Variants in COG5 observed in about 807,000 individuals in gnomAD.
COG5 encodes the protein conserved oligomeric Golgi complex subunit 5.
Under a neutral mutation model 110.4 loss-of-function variants are expected in COG5, and 86 were observed. That is an observed-to-expected ratio of 0.78 (90% confidence interval 0.65 to 0.93). The LOEUF is 0.93. Ranked by LOEUF, COG5 falls within the 40% of genes least tolerant of loss-of-function variation. The pLI is 0.00. For missense variants in COG5, 1,077 were observed against 987.0 expected, an observed-to-expected ratio of 1.09 and a Z score of -1.22; for synonymous variants, 360 against 334.6, an observed-to-expected ratio of 1.08 and a Z score of -0.83.
At chr7:107,204,453 C>T (rs371693604) in intron 21 of COG5, among the ~76,000 whole-genome samples, 382 of 152,204 alleles carry the variant, frequency 2.5e-3, no homozygotes, top group African/African-American at 8.5e-3. Flanking sequence ...AGAATGGCTA[C>T]GAGATTAATT....
chr7:107,311,684 C>T (rs558397291), intron 11 of COG5, among the ~76,000 whole-genome samples: 16 of 151,958 alleles, frequency 1.1e-4, no homozygotes, highest in African/African-American at 2.7e-4. Context: ...TGAGCCACCG[C>T]GCCCGGCCAC....
intron 11 of COG5, among the ~76,000 whole-genome samples, chr7:107,306,160 A>G (rs182218301): frequency 5.9e-5 from 9 of 152,310 alleles, no homozygotes; most frequent in Non-Finnish European, 1.2e-4. Context: ...ATACAAAACA[A>G]TGACAAAACA....
chr7:107,268,806 C>A (rs780904101), intron 14 of COG5, among the ~76,000 whole-genome samples: 1 of 152,134 alleles, frequency 6.6e-6, no homozygotes, highest in Non-Finnish European at 1.5e-5. Context: ...TGTCAGCATT[C>A]TTCTGATTAG....
intron 5 of COG5, among the ~76,000 whole-genome samples, chr7:107,547,281 A>G (rs1297711926): frequency 6.6e-6 from 1 of 152,228 alleles, no homozygotes; most frequent in African/African-American, 2.4e-5. Context: ...TCATATGATC[A>G]TTTTGATAGA....
Position 107,230,899 on chromosome 7 carries a change from A to C in COG5, c.2092-208T>G, listed in dbSNP as rs150588862. Among the ~76,000 whole-genome samples the C allele has an allele frequency of 2.2e-3, 302 of 137,232 alleles. 1 individual carries two copies. Among genetic ancestry groups the C allele is most frequent in the African/African-American group, 9.0e-3 (292 of 32,410 alleles). The allele number at this position is 137,232 out of a possible 152,430, so 90.0% of individuals were successfully genotyped here. A position where few individuals can be genotyped will look rare whatever the true frequency, so the allele number is the denominator to read the frequency against. ...TTACTAAGAGGGCCCAAGATGAGAC[A>C]ATTCCTTCATGAAAATAAAAAAAAA... On this transcript the variant is annotated intron_variant, in intron 18 of 21. Coordinates refer to ENST00000297135, the MANE Select transcript of COG5 (RefSeq NM_006348.5).
intron 12 of COG5, among the ~76,000 whole-genome samples, chr7:107,293,697 C>A (rs1030200352): frequency 3.3e-5 from 5 of 152,054 alleles, no homozygotes; most frequent in Admixed American, 1.3e-4. Context: ...AATGCTGGTA[C>A]CTTTCTTGGG....
At chr7:107,527,149 A>G (rs1800824330) in intron 6 of COG5, 88 bp downstream of exon 6, 4 of 1,219,008 alleles carry the variant, frequency 3.3e-6, no homozygotes, top group Non-Finnish European at 4.5e-6. Context: ...GTACTTGCTA[A>G]TGGTGATAAC....
In COG5 at chr7:107,298,251, G is replaced by A; in HGVS notation, c.1204C>T (p.His402Tyr). The A allele has an allele frequency of 6.2e-7, 1 of 1,613,094 alleles. No individual in the cohort carries two copies. Residue 402 changes from histidine to tyrosine, a missense_variant, in exon 12 of 22, where the codon CAT becomes TAT. His to Tyr is a moderately conservative substitution (Grantham distance 83). Transcript: ENST00000297135. ...CTTGCATTAAAATTCCCTTGGATAT[G>A]CTGACTGTATTGTTGAAGACGCTTC... ...LWKRLQQYSQ[H>Y]IQGNFNASGT...
Position 107,285,419 on chromosome 7 carries a change from T to G in COG5, c.1314-1687A>C, listed in dbSNP as rs190599825. Among the ~76,000 whole-genome samples the G allele has an allele frequency of 4.0e-3, 615 of 152,346 alleles. 4 individuals carry two copies. The highest frequency in any genetic ancestry group is 0.02 in the Middle Eastern group (6 of 294). On this transcript the variant is annotated intron_variant, in intron 12 of 21. Coordinates refer to ENST00000297135, the MANE Select transcript of COG5 (RefSeq NM_006348.5). ...CTAACACTTTCCCGTTCTCCAAATC[T>G]ACCGTTAAAGATCCTTGGTAACTAC...
At chr7:107,453,006 C>A (rs1422646304) in intron 6 of COG5, among the ~76,000 whole-genome samples, 1 of 152,168 alleles carries the variant, frequency 6.6e-6, no homozygotes, top group East Asian at 1.9e-4. Flanking sequence ...TAGTACTGCA[C>A]TTACTGTATA....
intron 21 of COG5, 37 bp from the exon 22 acceptor site, chr7:107,203,667 A>G (rs769417529): frequency 5.5e-6 from 7 of 1,274,034 alleles, no homozygotes; most frequent in Admixed American, 1.7e-5. Context: ...AAAATATTAG[A>G]TAAATCACAT....
At chr7:107,207,296 C>T (rs867778119) in intron 21 of COG5, among the ~76,000 whole-genome samples, 1 of 152,162 alleles carries the variant, frequency 6.6e-6, no homozygotes, top group Non-Finnish European at 1.5e-5. Flanking sequence ...AAACATTTCC[C>T]TCCATCGATG....
chr7:107,323,757 G>A (rs769915610), intron 11 of COG5, among the ~76,000 whole-genome samples: 4 of 152,116 alleles, frequency 2.6e-5, no homozygotes, highest in Non-Finnish European at 4.4e-5. Flanking sequence ...TTAGCATACA[G>A]TAAGTCCTTC....
intron 14 of COG5, among the ~76,000 whole-genome samples, chr7:107,280,281 G>A (rs1321598705): frequency 5.9e-5 from 9 of 151,954 alleles, no homozygotes; most frequent in Admixed American, 5.9e-4. Flanking sequence ...AAGACTACAA[G>A]ATCAATTGAA....
At chr7:107,250,585 G>T (rs951299691) in intron 16 of COG5, among the ~76,000 whole-genome samples, 3 of 152,062 alleles carry the variant, frequency 2.0e-5, no homozygotes, top group Admixed American at 2.0e-4. Context: ...TTAACCCTGA[G>T]ATGAACCAGA....
intron 6 of COG5, among the ~76,000 whole-genome samples, chr7:107,460,921 CTA>C (rs1002700303): frequency 6.0e-4 from 91 of 151,626 alleles, no homozygotes; most frequent in Middle Eastern, 3.5e-3. Context: ...AAATATGAAT[CTA>C]TTATCTATTA....
intron 7 of COG5, among the ~76,000 whole-genome samples, chr7:107,389,487 AG>A (rs1790456727): frequency 6.6e-6 from 1 of 152,220 alleles, no homozygotes; most frequent in Non-Finnish European, 1.5e-5. Flanking sequence ...CTTTAGCTGC[AG>A]GTGGCCTCAA....
At position 107,357,718 on chromosome 7, in the gene COG5, G is replaced by C. The variant is rs576322246; in HGVS notation, c.1026+4315C>G. Among the ~76,000 whole-genome samples, 129 of 152,102 alleles carry C rather than the reference G, an allele frequency of 8.5e-4. 4 individuals carry two copies. The South Asian group carries it at 0.024, about 28-fold the overall frequency. On this transcript the variant is annotated intron_variant, in intron 10 of 21. Transcript: ENST00000297135. ...GGGTCTCACTTTATTACTCAGGCTA[G>C]AGTGCAGTGGTGCAATCTTAACTGA...
At chr7:107,515,126 C>G (rs768498394) in intron 6 of COG5, among the ~76,000 whole-genome samples, 184 of 152,044 alleles carry the variant, frequency 1.2e-3, no homozygotes, top group Non-Finnish European at 1.5e-3. Context: ...CATAAACAGA[C>G]TAAAGAGTAT....
Sources: allele counts gnomAD v4.1 joint callset (sites outside exome capture counted in the v4.1 genomes callset), GRCh38; gene constraint gnomAD v4.1.1; transcripts MANE v1.5; gene names NCBI Gene and HGNC (gene_info 2026-07-23, HGNC 2026-07-21).